Variants in PLEKHM3 observed in about 807,000 individuals in gnomAD.
PLEKHM3 encodes the protein pleckstrin homology domain containing M3.
A neutral mutation model predicts 81.8 loss-of-function variants in PLEKHM3; 45 were observed. The observed-to-expected ratio is 0.55, with a 90% CI of 0.43 to 0.71. The LOEUF (loss-of-function observed/expected upper bound fraction) is 0.71. Among genes scored for constraint, PLEKHM3 ranks in the 30% least tolerant of loss-of-function variants. PLEKHM3 has a pLI of 0.00. For synonymous variants in PLEKHM3, 352 were observed against 356.4 expected (o/e 0.99, Z 0.14); for missense variants, 788 against 924.3 (o/e 0.85, Z 1.91).
intron 6 of PLEKHM3, among the ~76,000 whole-genome samples, chr2:207,905,760 C>G (rs1688580276): frequency 6.6e-6 from 1 of 152,198 alleles, no homozygotes; most frequent in Non-Finnish European, 1.5e-5. Context: ...GCATTGAGCT[C>G]TAGCTGCCCC....
chr2:207,932,512 GA>G (rs113194774), intron 4 of PLEKHM3, among the ~76,000 whole-genome samples: 5,247 of 150,862 alleles, frequency 0.035, 277 homozygotes, highest in African/African-American at 0.12. Flanking sequence ...TTATTAAAAA[GA>G]AAAAAAAATC....
At chr2:207,878,577 T>C (rs1161792735) in intron 6 of PLEKHM3, among the ~76,000 whole-genome samples, 2 of 152,196 alleles carry the variant, frequency 1.3e-5, no homozygotes, top group Non-Finnish European at 2.9e-5. Context: ...CACTGCACTC[T>C]AGCCTGGGCA....
At chr2:207,982,194 T>C (rs534746158) in intron 2 of PLEKHM3, among the ~76,000 whole-genome samples, 68 of 151,450 alleles carry the variant, frequency 4.5e-4, no homozygotes, top group East Asian at 1.4e-3. Flanking sequence ...ATTTATTTCC[T>C]TCCTTCCTTC....
intron 3 of PLEKHM3, among the ~76,000 whole-genome samples, chr2:207,964,259 C>T (rs1223321619): frequency 1.3e-5 from 2 of 151,830 alleles, no homozygotes; most frequent in Non-Finnish European, 2.9e-5. Flanking sequence ...GTTTCTCAAA[C>T]TTCGTATGCA....
At chr2:208,006,047 G>T (rs964487692) in intron 1 of PLEKHM3, among the ~76,000 whole-genome samples, 2 of 152,122 alleles carry the variant, frequency 1.3e-5, no homozygotes, top group African/African-American at 4.8e-5. Context: ...TGATCAGCCA[G>T]TCTCTCTAGA....
chr2:207,968,464 G>A (rs980421296), intron 3 of PLEKHM3, among the ~76,000 whole-genome samples: 4 of 152,178 alleles, frequency 2.6e-5, no homozygotes, highest in African/African-American at 7.2e-5. Flanking sequence ...AGACAGGGAT[G>A]TTAATGGTCT....
chr2:208,018,395 G>GAA (rs75422528), intron 1 of PLEKHM3, among the ~76,000 whole-genome samples: 2 of 125,954 alleles, frequency 1.6e-5, no homozygotes, highest in Admixed American at 7.9e-5. Context: ...GAAAAGAAAA[G>GAA]AAAAAAAAAA....
intron 7 of PLEKHM3, among the ~76,000 whole-genome samples, chr2:207,840,799 G>GTTTTTTTTTTTTTTTTTTTTTTTTTTT (rs1221570591): frequency 9.1e-6 from 1 of 109,796 alleles, no homozygotes; most frequent in African/African-American, 3.9e-5. Context: ...CACTTTTTAT[G>GTTTTTTTTTTTTTTTTTTTTTTTTTTT]TTTTTTTTTT....
At chr2:207,960,632 C>G (rs773550726) in intron 3 of PLEKHM3, among the ~76,000 whole-genome samples, 4 of 152,204 alleles carry the variant, frequency 2.6e-5, no homozygotes, top group Non-Finnish European at 4.4e-5. Flanking sequence ...CCCACACAGA[C>G]AGCATCTAAT....
At chr2:207,997,711 T>C (rs1160592288) in intron 2 of PLEKHM3, among the ~76,000 whole-genome samples, 1 of 152,142 alleles carries the variant, frequency 6.6e-6, no homozygotes, top group Non-Finnish European at 1.5e-5. Flanking sequence ...GAATTTGAGG[T>C]GCCTTTGGTA....
intron 7 of PLEKHM3, among the ~76,000 whole-genome samples, chr2:207,859,136 CTTTTTTTT>C (rs371493664): frequency 8.4e-6 from 1 of 118,356 alleles, no homozygotes; most frequent in Admixed American, 9.9e-5. Flanking sequence ...TTTTCTTTTT[CTTTTTTTT>C]TTTTTTTTTT....
intron 4 of PLEKHM3, among the ~76,000 whole-genome samples, chr2:207,931,749 G>T (rs551721183): frequency 1.3e-5 from 2 of 152,240 alleles, no homozygotes; most frequent in South Asian, 4.2e-4. Flanking sequence ...GAGGCGGGCA[G>T]ATCACTTGAG....
Position 207,946,464 on chromosome 2 carries a change from T to A in PLEKHM3, c.1595A>T (p.Asn532Ile), listed in dbSNP as rs78701820. 7.4e-6 allele frequency: 12 copies of A among 1,614,132 alleles called. No individual in the cohort carries two copies. The East Asian group carries it at 2.5e-4, about 33-fold the overall frequency. The change falls in exon 4 of 8, where the codon AAC (asparagine) becomes ATC (isoleucine). Residue 532 changes from asparagine to isoleucine, a missense_variant. Physicochemically the swap from Asn to Ile is moderately radical, Grantham distance 149. Transcript: ENST00000427836. Reference sequence around the variant, plus strand: ...ACTGCAGTAATACCACCCACTGTAGTTGCACACCTTGGCTTTCCCATTGGA... The same window carrying A: ...ACTGCAGTAATACCACCCACTGTAGATGCACACCTTGGCTTTCCCATTGGA... ...GLSNGKAKVC[N>I]YSGWYYCSSC...
chr2:207,919,003 G>A (rs1174077786), intron 5 of PLEKHM3, among the ~76,000 whole-genome samples: 1 of 152,174 alleles, frequency 6.6e-6, no homozygotes, highest in Non-Finnish European at 1.5e-5. Context: ...AGGCGTGTGT[G>A]GTGGGCAGTG....
intron 6 of PLEKHM3, among the ~76,000 whole-genome samples, chr2:207,906,696 T>C (rs1383065445): frequency 6.6e-6 from 1 of 151,830 alleles, no homozygotes. Context: ...GGCTGAGGCA[T>C]GAGAATTGCT....
At chr2:207,831,551 CG>C (rs1351256649) in intron 7 of PLEKHM3, among the ~76,000 whole-genome samples, 1 of 152,240 alleles carries the variant, frequency 6.6e-6, no homozygotes, top group Non-Finnish European at 1.5e-5. Context: ...ATGCTGCTCA[CG>C]GTGAACCCCT....
chr2:207,949,394 A>C (rs1441491932), intron 3 of PLEKHM3, among the ~76,000 whole-genome samples: 1 of 152,186 alleles, frequency 6.6e-6, no homozygotes, highest in East Asian at 1.9e-4. Flanking sequence ...CAAAAAAATT[A>C]GTGAGGTGTG....
At chr2:207,938,192 G>C (rs939176868) in intron 4 of PLEKHM3, among the ~76,000 whole-genome samples, 6 of 152,130 alleles carry the variant, frequency 3.9e-5, no homozygotes, top group African/African-American at 1.4e-4. Context: ...TCTTTGCTAC[G>C]CTTGATATTT....
At chr2:207,968,894 T>A (rs1691017420) in intron 3 of PLEKHM3, among the ~76,000 whole-genome samples, 1 of 152,224 alleles carries the variant, frequency 6.6e-6, no homozygotes, top group African/African-American at 2.4e-5. Flanking sequence ...CCAAGTTGTT[T>A]ATATGTTTGG....
Sources: allele counts gnomAD v4.1 joint callset (sites outside exome capture counted in the v4.1 genomes callset), GRCh38; gene constraint gnomAD v4.1.1; transcripts MANE v1.5; gene names NCBI Gene and HGNC (gene_info 2026-07-23, HGNC 2026-07-21).